PRPS2: variants seen among roughly 807,000 people sequenced by gnomAD.
PRPS2 encodes the protein ribose-phosphate pyrophosphokinase 2.
For missense variants in PRPS2, 104 were observed against 271.5 expected (o/e 0.38, Z 4.34); for synonymous variants, 111 against 115.3 (o/e 0.96, Z 0.24).
chrX:12,795,955 A>G (rs1487745631), intron 1 of PRPS2, among the ~76,000 whole-genome samples: 1 of 112,653 alleles, frequency 8.9e-6, no homozygotes, highest in African/African-American at 3.2e-5. Context: ...ATTTTCATCC[A>G]TAGTAGAAGG....
intron 2 of PRPS2, among the ~76,000 whole-genome samples, chrX:12,804,514 T>C (rs1020830558): frequency 9.0e-6 from 1 of 111,305 alleles, no homozygotes; most frequent in Non-Finnish European, 1.9e-5. Context: ...TCACGTGGCT[T>C]GGCTTTGTAC....
intron 1 of PRPS2, 60 bp downstream of exon 1, chrX:12,791,679 G>T (rs1014542481): frequency 2.3e-6 from 2 of 886,351 alleles, no homozygotes; most frequent in African/African-American, 4.3e-5. Flanking sequence ...TGCGGGGCCG[G>T]GTTGGGGGCC....
chrX:12,795,897 G>T lies in PRPS2; in HGVS notation c.123-3310G>T, dbSNP rs142127330. 6.7e-3 allele frequency among the ~76,000 whole-genome samples: 756 copies of T among 112,083 alleles called. 3 individuals carry two copies. The highest frequency in any genetic ancestry group is 9.3e-3 in the Non-Finnish European group (497 of 53,197). ...AGCTCCTTAGATCTTCAAATAGGAG[G>T]GAGCACATAGAACTCTTTCTATCCC... On this transcript the variant is annotated intron_variant, in intron 1 of 6. Coordinates refer to ENST00000380668, the MANE Select transcript of PRPS2 (RefSeq NM_002765.5).
chrX:12,809,468 T>C (rs2042611663), intron 3 of PRPS2, 136 bp downstream of exon 3: 3 of 644,061 alleles, frequency 4.7e-6, no homozygotes, highest in East Asian at 7.2e-5. Flanking sequence ...GAAAATATAA[T>C]TTGATATTAG....
rs1410492509 is a variant in PRPS2 at position 12,823,678 on chromosome X, G to A, written c.*882G>A. 1 of 112,123 alleles carries A rather than the reference G, an allele frequency of 8.9e-6. No homozygotes were observed. The allele number at this position is 112,123 out of a possible 1,213,427, so 9.2% of individuals were successfully genotyped here. A position where few individuals can be genotyped will look rare whatever the true frequency, so the allele number is the denominator to read the frequency against. ...ATTTTTAAAAAGGATATAGGAACCT[G>A]CATTGTCATTCTCTGAATTAAGAAC... On this transcript the variant is annotated 3_prime_UTR_variant, in exon 7 of 7. Coordinates refer to ENST00000380668, the MANE Select transcript of PRPS2 (RefSeq NM_002765.5).
chrX:12,795,029 C>A (rs1379902010), intron 1 of PRPS2, among the ~76,000 whole-genome samples: 1 of 111,371 alleles, frequency 9.0e-6, no homozygotes, highest in Admixed American at 9.6e-5. Flanking sequence ...AGAATCTGTT[C>A]CCGTGCCTTT....
At chrX:12,796,544 T>C (rs1018802421) in intron 1 of PRPS2, among the ~76,000 whole-genome samples, 4 of 112,064 alleles carry the variant, frequency 3.6e-5, no homozygotes, top group Non-Finnish European at 7.5e-5. Context: ...GAAAACAATT[T>C]CATTGAGTAT....
intron 2 of PRPS2, among the ~76,000 whole-genome samples, chrX:12,807,022 C>T (rs62589395): frequency 0.22 from 24,724 of 110,445 alleles, 2,289 homozygotes; most frequent in Non-Finnish European, 0.3. Flanking sequence ...CACCATTGCA[C>T]TCCAGCCAGG....
chrX:12,822,813 G>A lies in PRPS2; in HGVS notation c.*17G>A, dbSNP rs1352336343. ...CCGCTATAAATCCAGAATGGGAAGT[G>A]TCCAGCAAGCCTACTCTGACTTCTG... On this transcript the variant is annotated 3_prime_UTR_variant, in exon 7 of 7. Coordinates refer to ENST00000380668, the MANE Select transcript of PRPS2 (RefSeq NM_002765.5). 2 of 1,182,083 alleles carry A rather than the reference G, an allele frequency of 1.7e-6. No individual in the cohort carries two copies. The highest frequency in any genetic ancestry group is 2.3e-6 in the Non-Finnish European group (2 of 869,963).
intron 6 of PRPS2, among the ~76,000 whole-genome samples, chrX:12,821,080 T>C: frequency 2.7e-5 from 3 of 112,387 alleles, no homozygotes; most frequent in Middle Eastern, 9.1e-3. Flanking sequence ...CTTAGAATTA[T>C]CATATGATCC....
intron 1 of PRPS2, among the ~76,000 whole-genome samples, chrX:12,796,155 G>A (rs1239533605): frequency 1.8e-5 from 2 of 108,936 alleles, no homozygotes; most frequent in African/African-American, 6.7e-5. Context: ...AGCTGGGACT[G>A]TGGGCATGAG....
intron 4 of PRPS2, among the ~76,000 whole-genome samples, chrX:12,817,195 A>G (rs959465640): frequency 1.8e-5 from 2 of 110,878 alleles, no homozygotes; most frequent in African/African-American, 6.6e-5. Context: ...TAAATATTGC[A>G]CTGAATGTTT....
chrX:12,792,867 C>T (rs1028598594), intron 1 of PRPS2, among the ~76,000 whole-genome samples: 1 of 112,441 alleles, frequency 8.9e-6, no homozygotes, highest in Non-Finnish European at 1.9e-5. Flanking sequence ...TATGTTAATA[C>T]TGATGGGGAA....
chrX:12,794,151 AG>A (rs1454124350), intron 1 of PRPS2, among the ~76,000 whole-genome samples: 5 of 112,814 alleles, frequency 4.4e-5, no homozygotes, highest in Non-Finnish European at 5.6e-5. Context: ...GGAAGGGCTC[AG>A]TGAAGAAAGC....
chrX:12,813,062 C>T (rs919872552), intron 4 of PRPS2, among the ~76,000 whole-genome samples: 4 of 112,334 alleles, frequency 3.6e-5, no homozygotes, highest in African/African-American at 9.7e-5. Flanking sequence ...CATACATGCT[C>T]TTAGCAGAAA....
chrX:12,800,221 G>T (rs1182847649), intron 2 of PRPS2, among the ~76,000 whole-genome samples: 1 of 111,789 alleles, frequency 8.9e-6, no homozygotes, highest in Non-Finnish European at 1.9e-5. Flanking sequence ...CCCTCTGAAG[G>T]CTGTAAGGGA....
intron 2 of PRPS2, among the ~76,000 whole-genome samples, chrX:12,803,177 T>TC (rs1315539296): frequency 2.7e-5 from 3 of 112,464 alleles, no homozygotes; most frequent in East Asian, 5.5e-4. Flanking sequence ...CTTCCTTGCC[T>TC]CTTCTAGCTC....
chrX:12,810,841 C>A (rs1445370797), intron 4 of PRPS2, among the ~76,000 whole-genome samples: 2 of 104,107 alleles, frequency 1.9e-5, no homozygotes, highest in African/African-American at 7.3e-5. Context: ...CAGAGTGAGA[C>A]CCTGACTCTA....
Position 12,791,561 on chromosome X carries a change from C to T in PRPS2, c.64C>T (p.Arg22Cys). 8.3e-7 allele frequency: 1 copy of T among 1,201,731 alleles called. No homozygotes were observed. Among genetic ancestry groups the T allele is most frequent in the Non-Finnish European group, 1.1e-6 (1 of 890,985 alleles). ...GGACCTGTCCCAGCGCGTGGCCGACCGCCTGGGCCTGGAGCTGGGCAAGGT... is the reference window on the plus strand; with the variant it reads ...GGACCTGTCCCAGCGCGTGGCCGACTGCCTGGGCCTGGAGCTGGGCAAGGT... The part of the protein sequence containing the change: ...HQDLSQRVAD[R>C]LGLELGKVVT... The change falls in exon 1 of 7, where the codon CGC becomes TGC. Residue 22 changes from arginine to cysteine, a missense_variant. Arg to Cys is a radical substitution (Grantham distance 180). Transcript: ENST00000380668.
Sources: gnomAD v4.1 joint callset for allele counts (sites outside exome capture counted in the v4.1 genomes callset) on GRCh38, gnomAD v4.1.1 for gene constraint, MANE v1.5 for transcripts, NCBI Gene and HGNC (gene_info 2026-07-23, HGNC 2026-07-21) for gene names.